The following EMID1 variants were observed in gnomAD, a reference collection of about 807,000 sequenced individuals.
EMID1 encodes EMI domain-containing protein 1.
EMID1 carries 40 observed loss-of-function variants against 60.6 expected under a neutral mutation model. The observed-to-expected ratio is 0.66, with a 90% CI of 0.51 to 0.86. The LOEUF (loss-of-function observed/expected upper bound fraction) is 0.86. Among genes scored for constraint, EMID1 ranks in the 40% least tolerant of loss-of-function variants. The pLI is 0.00. For missense variants in EMID1, 585 were observed against 597.1 expected, an observed-to-expected ratio of 0.98 and a Z score of 0.21; for synonymous variants, 242 against 231.0, an observed-to-expected ratio of 1.05 and a Z score of -0.43.
chr22:29,231,521 T>TG lies in EMID1; in HGVS notation c.587-66dup, dbSNP rs111764381. 6 of 1,472,994 alleles carry TG rather than the reference T, an allele frequency of 4.1e-6. No homozygotes were observed. The East Asian group carries it at 9.9e-5, about 24-fold the overall frequency. 91.2% of individuals were successfully genotyped at this position (1,472,994 alleles called of 1,614,324 possible). ...CTTCCCCGAAATGGTAGATGCTGGT[T>TG]GGGGGGCTGGGGCCAGGGTGGGGGT... On this transcript the variant is annotated intron_variant, in intron 6 of 14. Transcript: ENST00000334018.
intron 4 of EMID1, among the ~76,000 whole-genome samples, chr22:29,225,820 G>A (rs369734957): frequency 6.6e-6 from 1 of 152,212 alleles, no homozygotes; most frequent in East Asian, 1.9e-4. Flanking sequence ...CACTTGGCTG[G>A]GCCAGCAGCT....
At chr22:29,246,052 T>G (rs904623202) in intron 13 of EMID1, among the ~76,000 whole-genome samples, 3 of 152,306 alleles carry the variant, frequency 2.0e-5, no homozygotes, top group African/African-American at 4.8e-5. Flanking sequence ...CTGTCAACTT[T>G]ATAAACACTT....
chr22:29,254,123 GGGGCAT>G lies in EMID1; in HGVS notation c.1120-75_1120-70del. 4 of 1,602,670 alleles carry G rather than the reference GGGGCAT, an allele frequency of 2.5e-6. No individual in the cohort carries two copies. The South Asian group carries it at 4.4e-5, about 18-fold the overall frequency. On this transcript the variant is annotated intron_variant, in intron 13 of 14. Transcript: ENST00000334018. ...GGGGCTGCAGGTGCATGTCCCGGGT[GGGGCAT>G]GGGCCACCGACGGGCTTTGCAGGGT...
At chr22:29,253,229 G>C (rs545038443) in intron 13 of EMID1, among the ~76,000 whole-genome samples, 7 of 152,332 alleles carry the variant, frequency 4.6e-5, no homozygotes, top group Admixed American at 1.3e-4. Context: ...AGGATCACTT[G>C]AGGCCAGGAG....
Position 29,236,519 on chromosome 22 carries a change from C to T in EMID1, c.1074+2170C>T, listed in dbSNP as rs371011194. ...CAGCCTGGCCAACATGGTGAAACCCCGTCTCTACTAAAAACACAAAAATTA... is the reference window on the plus strand; with the variant it reads ...CAGCCTGGCCAACATGGTGAAACCCTGTCTCTACTAAAAACACAAAAATTA... On this transcript the variant is annotated intron_variant, in intron 12 of 14. Coordinates refer to ENST00000334018, the MANE Select transcript of EMID1 (RefSeq NM_133455.4). 6.0e-3 allele frequency among the ~76,000 whole-genome samples: 918 copies of T among 151,948 alleles called. 29 individuals are homozygous for T. The South Asian group carries it at 0.064, about 11-fold the overall frequency.
chr22:29,205,947 C>G lies in EMID1; in HGVS notation c.-92C>G. Reference sequence around the variant, plus strand: ...AGCTGGAAACCGGGCTCCGCGCGTCCGGGGCGGCTGGCGGCGCGGGCAGGC... The same window carrying G: ...AGCTGGAAACCGGGCTCCGCGCGTCGGGGGCGGCTGGCGGCGCGGGCAGGC... On this transcript the variant is annotated 5_prime_UTR_variant, in exon 1 of 15. Transcript: ENST00000334018. 1.3e-6 allele frequency: 1 copy of G among 762,608 alleles called. No homozygotes were observed. Among genetic ancestry groups the G allele is most frequent in the Non-Finnish European group, 1.6e-6 (1 of 612,864 alleles). The allele number at this position is 762,608 out of a possible 1,614,324, so 47.2% of individuals were successfully genotyped here.
At chr22:29,210,093 G>A (rs2039823027) in intron 1 of EMID1, among the ~76,000 whole-genome samples, 2 of 152,112 alleles carry the variant, frequency 1.3e-5, no homozygotes, top group South Asian at 4.2e-4. Context: ...TGATCCCCAG[G>A]TGGAGGGGGC....
rs1336358828 is a variant in EMID1, at chr22:29,256,215, G to C, written c.1204+1928G>C. ...AGGCCGGTCATGTTAGCTCACACCTGTAATCCTAGCACTTTGGGAGGCCGA... is the reference window on the plus strand; with the variant it reads ...AGGCCGGTCATGTTAGCTCACACCTCTAATCCTAGCACTTTGGGAGGCCGA... On this transcript the variant is annotated intron_variant, in intron 14 of 14. Coordinates refer to ENST00000334018, the MANE Select transcript of EMID1 (RefSeq NM_133455.4). Among the ~76,000 whole-genome samples the C allele has an allele frequency of 2.0e-5, 3 of 152,096 alleles. No homozygotes were observed. In the East Asian group the frequency reaches 5.8e-4, roughly 29 times the overall value.
At chr22:29,226,746 T>C (rs2040528209) in intron 5 of EMID1, among the ~76,000 whole-genome samples, 195 bp downstream of exon 5, 1 of 151,998 alleles carries the variant, frequency 6.6e-6, no homozygotes, top group South Asian at 2.1e-4. Context: ...TGTCCCTCCC[T>C]AGGAAGCCTG....
intron 3 of EMID1, among the ~76,000 whole-genome samples, chr22:29,219,996 G>A (rs1042256963): frequency 2.0e-5 from 3 of 151,830 alleles, no homozygotes; most frequent in Admixed American, 6.6e-5. Context: ...TACATCCACC[G>A]CCCAGCCACC....
intron 4 of EMID1, among the ~76,000 whole-genome samples, chr22:29,225,527 G>A (rs2040472296): frequency 6.6e-6 from 1 of 152,218 alleles, no homozygotes; most frequent in African/African-American, 2.4e-5. Context: ...CATCAGCAGT[G>A]CTGGAGGCCC....
At chr22:29,258,409 G>A (rs898910420) in intron 14 of EMID1, among the ~76,000 whole-genome samples, 2 of 152,158 alleles carry the variant, frequency 1.3e-5, no homozygotes, top group African/African-American at 4.8e-5. Flanking sequence ...CCCCCAACTG[G>A]TGGCCTAGCC....
At chr22:29,248,204 C>T (rs1025576760) in intron 13 of EMID1, among the ~76,000 whole-genome samples, 3 of 151,352 alleles carry the variant, frequency 2.0e-5, no homozygotes, top group Non-Finnish European at 2.9e-5. Flanking sequence ...AGTGATCCGC[C>T]TGCTTCGGTC....
At chr22:29,249,163 A>G (rs2041432448) in intron 13 of EMID1, among the ~76,000 whole-genome samples, 1 of 152,278 alleles carries the variant, frequency 6.6e-6, no homozygotes, top group East Asian at 1.9e-4. Flanking sequence ...GCTAACATTT[A>G]TTTAGCAAAA....
At chr22:29,231,487 G>A in intron 6 of EMID1, 106 bp from the exon 7 acceptor site, 1 of 1,210,214 alleles carries the variant, frequency 8.3e-7, no homozygotes, top group Non-Finnish European at 1.2e-6. Flanking sequence ...GAGTGTGAGG[G>A]TCCCGCTGCT....
At chr22:29,230,812 C>T (rs987217177) in intron 5 of EMID1, among the ~76,000 whole-genome samples, 2 of 152,038 alleles carry the variant, frequency 1.3e-5, no homozygotes, top group African/African-American at 4.8e-5. Flanking sequence ...TTAAATTTGC[C>T]ATGTGTGGTG....
chr22:29,215,748 C>T, intron 3 of EMID1, 118 bp downstream of exon 3: 1 of 770,812 alleles, frequency 1.3e-6, no homozygotes, highest in Non-Finnish European at 2.2e-6. Flanking sequence ...CTGCTGGGGC[C>T]AGCTGCACAG....
In EMID1 at chr22:29,225,233, C is replaced by T. The variant is rs201723268; in HGVS notation, c.403+17C>T. On this transcript the variant is annotated intron_variant, in intron 4 of 14. Coordinates refer to ENST00000334018, the MANE Select transcript of EMID1 (RefSeq NM_133455.4). ...CCTTCTCAGGTGGGTCCTGGGATAGCTTCTTGAGGTCCCCCTGGGCTGAGG... is the reference window on the plus strand; with the variant it reads ...CCTTCTCAGGTGGGTCCTGGGATAGTTTCTTGAGGTCCCCCTGGGCTGAGG... 34 of 1,612,696 alleles carry T rather than the reference C, an allele frequency of 2.1e-5. No homozygotes were observed. The East Asian group carries it at 7.4e-4, about 35-fold the overall frequency.
chr22:29,252,146 C>T (rs566619499), intron 13 of EMID1, among the ~76,000 whole-genome samples: 19 of 152,230 alleles, frequency 1.2e-4, no homozygotes, highest in African/African-American at 4.3e-4. Flanking sequence ...CTGTAATACT[C>T]GAAAGGGGAT....
Sources: allele counts gnomAD v4.1 joint callset (sites outside exome capture counted in the v4.1 genomes callset), GRCh38; gene constraint gnomAD v4.1.1; transcripts MANE v1.5; gene names NCBI Gene and HGNC (gene_info 2026-07-23, HGNC 2026-07-21).